The following LSAMP variants were observed in gnomAD, a reference collection of about 807,000 sequenced individuals.
The protein encoded by LSAMP is limbic system associated membrane protein.
Under a neutral mutation model 38.6 loss-of-function variants are expected in LSAMP, and 7 were observed. That is an observed-to-expected ratio of 0.18 (90% CI 0.10 to 0.34). LSAMP has a LOEUF of 0.34. Ranked by LOEUF, LSAMP falls within the 10% of genes least tolerant of loss-of-function variation. The probability of loss-of-function intolerance (pLI) is 1.00; values close to 1 mark genes in which losing one functional copy is unlikely to be tolerated. For missense variants in LSAMP, 313 were observed against 420.0 expected, an observed-to-expected ratio of 0.75 and a Z score of 2.23; for synonymous variants, 154 against 166.8, an observed-to-expected ratio of 0.92 and a Z score of 0.59.
At chr3:116,212,557 C>CA (rs11287021) in intron 1 of LSAMP, among the ~76,000 whole-genome samples, 1,970 of 148,078 alleles carry the variant, frequency 0.013, 25 homozygotes, top group African/African-American at 0.033. Context: ...AATAAAACTT[C>CA]AAAAAAAAAA....
intron 3 of LSAMP, among the ~76,000 whole-genome samples, chr3:115,902,071 A>T (rs994849045): frequency 6.6e-6 from 1 of 152,136 alleles, no homozygotes; most frequent in Non-Finnish European, 1.5e-5. Flanking sequence ...AATAATAAAA[A>T]CATACAAATC....
intron 1 of LSAMP, among the ~76,000 whole-genome samples, chr3:116,210,080 A>T (rs1293981859): frequency 6.6e-6 from 1 of 152,100 alleles, no homozygotes; most frequent in Admixed American, 6.5e-5. Flanking sequence ...TTAATTGTTC[A>T]TTCAATAGGA....
At chr3:115,946,810 T>G (rs1379054992) in intron 3 of LSAMP, among the ~76,000 whole-genome samples, 1 of 152,042 alleles carries the variant, frequency 6.6e-6, no homozygotes, top group Non-Finnish European at 1.5e-5. Flanking sequence ...TAAGAAAGCC[T>G]GACCAAAAAT....
At chr3:115,969,796 C>A (rs148244766) in intron 3 of LSAMP, among the ~76,000 whole-genome samples, 49 of 152,290 alleles carry the variant, frequency 3.2e-4, no homozygotes, top group African/African-American at 1.1e-3. Flanking sequence ...CTTATCACTG[C>A]TAGTAAATGG....
chr3:116,218,220 A>G (rs2046243430), intron 1 of LSAMP, among the ~76,000 whole-genome samples: 2 of 152,158 alleles, frequency 1.3e-5, no homozygotes, highest in Non-Finnish European at 2.9e-5. Context: ...CTTACCTACT[A>G]GATTTAGGAG....
chr3:115,956,315 A>G (rs941460492), intron 3 of LSAMP, among the ~76,000 whole-genome samples: 6 of 151,002 alleles, frequency 4.0e-5, no homozygotes, highest in Middle Eastern at 3.4e-3. Context: ...AGGAATGAGC[A>G]GCTGTGCATC....
At chr3:116,430,396 A>G (rs974705645) in intron 1 of LSAMP, among the ~76,000 whole-genome samples, 10 of 152,204 alleles carry the variant, frequency 6.6e-5, no homozygotes, top group African/African-American at 2.4e-4. Context: ...ATTATGAAAT[A>G]TAAGTACTAG....
intron 2 of LSAMP, among the ~76,000 whole-genome samples, chr3:116,077,148 C>G (rs1261216506): frequency 6.6e-6 from 1 of 151,830 alleles, no homozygotes; most frequent in African/African-American, 2.4e-5. Flanking sequence ...ATCATATTAG[C>G]TGGAAATATT....
chr3:116,187,764 G>A (rs1710654495), intron 1 of LSAMP, among the ~76,000 whole-genome samples: 1 of 152,082 alleles, frequency 6.6e-6, no homozygotes, highest in Non-Finnish European at 1.5e-5. Flanking sequence ...TATAGTTACA[G>A]AAGGGATAAT....
At chr3:115,918,707 G>GTTT (rs11391475) in intron 3 of LSAMP, among the ~76,000 whole-genome samples, 2,065 of 135,182 alleles carry the variant, frequency 0.015, 57 homozygotes, top group African/African-American at 0.044. Context: ...TAAAGAACAG[G>GTTT]TTTTTTTTTT....
intron 1 of LSAMP, among the ~76,000 whole-genome samples, chr3:116,252,021 A>T (rs2046690498): frequency 6.6e-6 from 1 of 152,224 alleles, no homozygotes; most frequent in East Asian, 1.9e-4. Context: ...TTAACATACA[A>T]GACAGACAAA....
At chr3:115,991,145 G>T (rs1430611780) in intron 3 of LSAMP, among the ~76,000 whole-genome samples, 1 of 151,728 alleles carries the variant, frequency 6.6e-6, no homozygotes. Context: ...TTACTTCCTT[G>T]GAAAAAAAGA....
At chr3:115,818,790 T>TATATATATATATATATATATATATATA (rs1934117792) in intron 6 of LSAMP, among the ~76,000 whole-genome samples, 1 of 69,786 alleles carries the variant, frequency 1.4e-5, no homozygotes, top group Non-Finnish European at 3.0e-5. Context: ...AGTTGTACTT[T>TATATATATATATATATATATATATATA]TATATATATA....
At chr3:116,350,870 T>A (rs1474375689) in intron 1 of LSAMP, among the ~76,000 whole-genome samples, 1 of 152,040 alleles carries the variant, frequency 6.6e-6, no homozygotes, top group Non-Finnish European at 1.5e-5. Flanking sequence ...CACTTTAAAC[T>A]GTAAAAGTTA....
chr3:115,834,143 A>G (rs1009890259), intron 6 of LSAMP, among the ~76,000 whole-genome samples: 1 of 152,178 alleles, frequency 6.6e-6, no homozygotes, highest in Non-Finnish European at 1.5e-5. Context: ...ATTAATTTTT[A>G]TAAGTAATAC....
intron 3 of LSAMP, among the ~76,000 whole-genome samples, chr3:115,859,874 T>C (rs137949111): frequency 3.6e-3 from 545 of 152,356 alleles, no homozygotes; most frequent in African/African-American, 0.012. Context: ...CATTCTTTTA[T>C]TGTATTTATA....
chr3:116,081,028 G>A (rs144452768), intron 2 of LSAMP, among the ~76,000 whole-genome samples: 26 of 152,290 alleles, frequency 1.7e-4, no homozygotes, highest in African/African-American at 5.5e-4. Flanking sequence ...AAAGGAGAGC[G>A]ATTCTGAGAG....
chr3:116,156,157 AG>A, intron 1 of LSAMP, among the ~76,000 whole-genome samples: 1 of 152,156 alleles, frequency 6.6e-6, no homozygotes, highest in Non-Finnish European at 1.5e-5. Flanking sequence ...GTCCCCAGGC[AG>A]GGGGTGGCAA....
chr3:116,264,945 T>C (rs2046873492), intron 1 of LSAMP, among the ~76,000 whole-genome samples: 1 of 152,168 alleles, frequency 6.6e-6, no homozygotes, highest in Non-Finnish European at 1.5e-5. Flanking sequence ...CTGAGGTCTG[T>C]GGGTGGAGCT....
Sources: gnomAD v4.1 joint callset for allele counts (sites outside exome capture counted in the v4.1 genomes callset) on GRCh38, gnomAD v4.1.1 for gene constraint, MANE v1.5 for transcripts, NCBI Gene and HGNC (gene_info 2026-07-23, HGNC 2026-07-21) for gene names.